DET1: variants seen among roughly 807,000 people sequenced by gnomAD.
DET1 encodes the protein DET1 partner of COP1 E3 ubiquitin ligase, also known as DET1 homolog.
A neutral mutation model predicts 43.7 loss-of-function variants in DET1; 22 were observed. The observed-to-expected ratio is 0.50, with a 90% CI of 0.36 to 0.72. The LOEUF is 0.72. Among genes scored for constraint, DET1 ranks in the 30% least tolerant of loss-of-function variants. The pLI, the probability that DET1 is intolerant of heterozygous loss-of-function variation, is 0.00. For synonymous variants in DET1, 315 were observed against 266.2 expected, an observed-to-expected ratio of 1.18 and a Z score of -1.79; for missense variants, 713 against 713.3, an observed-to-expected ratio of 1.00 and a Z score of 0.00.
chr15:88,525,637 G>C (rs1482706820), intron 3 of DET1, among the ~76,000 whole-genome samples: 8 of 151,816 alleles, frequency 5.3e-5, no homozygotes, highest in Admixed American at 2.0e-4. Flanking sequence ...TTGATGTTTT[G>C]AGTGAGTGTA....
intron 1 of DET1, among the ~76,000 whole-genome samples, chr15:88,535,766 A>AAAAG (rs562922730): frequency 1.3e-5 from 2 of 148,650 alleles, no homozygotes; most frequent in African/African-American, 2.6e-5. Flanking sequence ...AAGAAAGAAA[A>AAAAG]AAAGAAAGAA....
intron 1 of DET1, among the ~76,000 whole-genome samples, chr15:88,534,564 C>A (rs1326808616): frequency 6.6e-6 from 1 of 152,184 alleles, no homozygotes; most frequent in African/African-American, 2.4e-5. Flanking sequence ...TGGGGAGGAG[C>A]TCAGAAAAGT....
intron 2 of DET1, 80 bp downstream of exon 2, chr15:88,530,543 G>A (rs2056782040): frequency 6.6e-7 from 1 of 1,514,844 alleles, no homozygotes; most frequent in Non-Finnish European, 8.8e-7. Context: ...TTTCTGAGGG[G>A]TGGGCTATAA....
chr15:88,537,874 C>G (rs2056993958), intron 1 of DET1, among the ~76,000 whole-genome samples: 1 of 152,168 alleles, frequency 6.6e-6, no homozygotes, highest in Non-Finnish European at 1.5e-5. Flanking sequence ...GTTCCCTGAC[C>G]ATCCTATCTA....
chr15:88,520,043 A>G (rs1477043822), intron 3 of DET1, among the ~76,000 whole-genome samples: 2 of 152,166 alleles, frequency 1.3e-5, no homozygotes, highest in African/African-American at 2.4e-5. Context: ...TTGTACATAT[A>G]TAACTTTCTG....
At chr15:88,526,308 G>A (rs1335771050) in intron 3 of DET1, among the ~76,000 whole-genome samples, 1 of 152,124 alleles carries the variant, frequency 6.6e-6, no homozygotes, top group Non-Finnish European at 1.5e-5. Context: ...CCTAAAACAG[G>A]TATTTTCCAT....
chr15:88,535,536 G>C (rs1012759631), intron 1 of DET1, among the ~76,000 whole-genome samples: 3 of 152,044 alleles, frequency 2.0e-5, no homozygotes, highest in African/African-American at 7.2e-5. Context: ...TGGGCAAATT[G>C]CTTGAGCCCA....
Position 88,544,770 on chromosome 15 carries a change from TG to T in DET1, c.-11+1769del, listed in dbSNP as rs2057203619. On this transcript the variant is annotated intron_variant, in intron 1 of 4. Coordinates refer to ENST00000268148, the MANE Select transcript of DET1 (RefSeq NM_001144074.3). ...CTCGGTCAGGCCCCTTCTAAAACTGTGCCTAAGTCAGGACGTGTATTTGCAA... is the reference window on the plus strand; with the variant it reads ...CTCGGTCAGGCCCCTTCTAAAACTGTCCTAAGTCAGGACGTGTATTTGCAA... Among the ~76,000 whole-genome samples, 4 of 152,258 alleles carry T rather than the reference TG, an allele frequency of 2.6e-5. No individual in the cohort carries two copies. The South Asian group carries it at 6.2e-4, about 24-fold the overall frequency.
intron 3 of DET1, 151 bp downstream of exon 3, chr15:88,527,448 A>C: frequency 1.6e-6 from 1 of 642,374 alleles, no homozygotes; most frequent in Non-Finnish European, 2.5e-6. Context: ...TGAGACAGAA[A>C]GAAGTTCAGG....
intron 3 of DET1, among the ~76,000 whole-genome samples, chr15:88,525,423 G>A (rs1009003041): frequency 6.6e-6 from 1 of 152,208 alleles, no homozygotes; most frequent in African/African-American, 2.4e-5. Context: ...GGAGCTTTCT[G>A]TAATTTTGTT....
chr15:88,530,143 G>C (rs2056772542), intron 2 of DET1, among the ~76,000 whole-genome samples: 1 of 152,142 alleles, frequency 6.6e-6, no homozygotes, highest in Non-Finnish European at 1.5e-5. Flanking sequence ...TTATAAATAG[G>C]ACTTTATAGT....
At chr15:88,524,587 T>A (rs550396243) in intron 3 of DET1, among the ~76,000 whole-genome samples, 1 of 152,368 alleles carries the variant, frequency 6.6e-6, no homozygotes, top group Admixed American at 6.5e-5. Context: ...GAGGTAGACA[T>A]GGGAGACTCC....
chr15:88,524,236 T>C (rs2056593265), intron 3 of DET1, among the ~76,000 whole-genome samples: 1 of 151,548 alleles, frequency 6.6e-6, no homozygotes, highest in Non-Finnish European at 1.5e-5. Context: ...GGAGCATCTC[T>C]GCCTGGCCGC....
At chr15:88,517,893 A>G (rs1243725294) in intron 3 of DET1, among the ~76,000 whole-genome samples, 2 of 149,424 alleles carry the variant, frequency 1.3e-5, no homozygotes, top group Admixed American at 6.6e-5. Context: ...TGAAAATAAT[A>G]ACAGAACAGT....
At chr15:88,513,259 C>T (rs570065222) in intron 4 of DET1, 119 bp from the exon 5 acceptor site, 8 of 1,081,750 alleles carry the variant, frequency 7.4e-6, no homozygotes, top group African/African-American at 4.8e-5. Flanking sequence ...TTAATGAAAT[C>T]GCCTCTTATA....
chr15:88,515,067 C>G (rs1288135120), intron 4 of DET1, among the ~76,000 whole-genome samples: 3 of 152,098 alleles, frequency 2.0e-5, no homozygotes, highest in African/African-American at 7.2e-5. Context: ...GGTTGTTTGA[C>G]CTTCTAAATC....
chr15:88,522,826 T>G (rs1377918344), intron 3 of DET1, among the ~76,000 whole-genome samples: 8 of 151,708 alleles, frequency 5.3e-5, no homozygotes, highest in African/African-American at 1.9e-4. Flanking sequence ...GGCTGGAATG[T>G]TCCTGTTTTT....
chr15:88,509,903 T>C (rs759682361), downstream of DET1, among the ~76,000 whole-genome samples: 1 of 152,170 alleles, frequency 6.6e-6, no homozygotes, highest in South Asian at 2.1e-4. Flanking sequence ...AATACCACAG[T>C]GAATGGCAAA....
intron 3 of DET1, among the ~76,000 whole-genome samples, chr15:88,519,536 C>T (rs961889428): frequency 6.6e-6 from 1 of 152,172 alleles, no homozygotes; most frequent in Admixed American, 6.5e-5. Context: ...TTCATCCCAA[C>T]TTCAGCAATC....
Sources: gnomAD v4.1 joint callset for allele counts (sites outside exome capture counted in the v4.1 genomes callset) on GRCh38, gnomAD v4.1.1 for gene constraint, MANE v1.5 for transcripts, NCBI Gene and HGNC (gene_info 2026-07-23, HGNC 2026-07-21) for gene names.